Variants in RPS9 observed in about 807,000 individuals in gnomAD.
The protein encoded by RPS9 is small ribosomal subunit protein uS4.
RPS9 carries 1 observed loss-of-function variant against 16.9 expected under a neutral mutation model. The ratio of observed to expected loss-of-function variants is 0.06; its 90% CI spans 0.02 to 0.28. The LOEUF (loss-of-function observed/expected upper bound fraction) is 0.28, where lower values mean the gene tolerates loss of function less well. RPS9 is among the 10% of genes least tolerant of loss of function. The pLI is 1.00. For missense variants in RPS9, 137 were observed against 273.2 expected (o/e 0.50, Z 3.51); for synonymous variants, 106 against 110.9 (o/e 0.96, Z 0.28).
At position 54,201,448 on chromosome 19, in the gene RPS9, A is replaced by G. The variant is rs770410303; in HGVS notation, c.98-39A>G. On this transcript the variant is annotated intron_variant, in intron 2 of 4. Coordinates refer to ENST00000302907, the MANE Select transcript of RPS9 (RefSeq NM_001013.4). ...CTGCCAGTCTAGTTGTTGTGCCAGTACGTGGGACTACACTTGTCCACCCCC... is the reference window on the plus strand; with the variant it reads ...CTGCCAGTCTAGTTGTTGTGCCAGTGCGTGGGACTACACTTGTCCACCCCC... The G allele has an allele frequency of 6.2e-6, 10 of 1,613,274 alleles. No individual in the cohort carries two copies. The Admixed American group carries it at 1.7e-4, about 27-fold the overall frequency.
At chr19:54,202,720 C>G (rs149887907) in intron 3 of RPS9, 2 of 985,266 alleles carry the variant, frequency 2.0e-6, no homozygotes, top group African/African-American at 1.7e-5. Flanking sequence ...TTTGGGTAGT[C>G]ATGATTTATG....
intron 3 of RPS9, 34 bp downstream of exon 3, chr19:54,201,643 T>C: frequency 6.2e-7 from 1 of 1,612,796 alleles, no homozygotes; most frequent in Non-Finnish European, 8.5e-7. Flanking sequence ...AGGGATGGGG[T>C]GCAGGGCTTG....
chr19:54,201,332 GC>G, intron 2 of RPS9, 51 bp downstream of exon 2: 1 of 1,613,426 alleles, frequency 6.2e-7, no homozygotes, highest in Non-Finnish European at 8.5e-7. Flanking sequence ...GAGGCGGTTA[GC>G]ACGTGGATGA....
At chr19:54,201,873 G>A in intron 3 of RPS9, 1 of 587,942 alleles carries the variant, frequency 1.7e-6, no homozygotes, top group Non-Finnish European at 2.8e-6. Context: ...GGCACACCTG[G>A]GCACCCGTCT....
intron 3 of RPS9, chr19:54,203,078 T>A: frequency 1.0e-6 from 1 of 985,244 alleles, no homozygotes; most frequent in Non-Finnish European, 1.2e-6. Context: ...TAGATACTGA[T>A]GCTGGGTGGG....
chr19:54,203,780 A>T (rs3852888), intron 3 of RPS9, among the ~76,000 whole-genome samples: 1 of 102,872 alleles, frequency 9.7e-6, no homozygotes, highest in South Asian at 3.4e-4. Flanking sequence ...CTCCCCCCCC[A>T]CCCCCCAGCA....
At position 54,200,893 on chromosome 19, in the gene RPS9, G is replaced by T. The variant is rs537790095; in HGVS notation, c.-26+5G>T. 5 of 1,257,068 alleles carry T rather than the reference G, an allele frequency of 4.0e-6. No individual in the cohort carries two copies. Among genetic ancestry groups the T allele is most frequent in the East Asian group, 4.5e-5 (1 of 22,444 alleles). The allele number at this position is 1,257,068 out of a possible 1,614,324, so 77.9% of individuals were successfully genotyped here. On this transcript the variant is annotated splice_donor_5th_base_variant and intron_variant, in intron 1 of 4. Transcript: ENST00000302907. The stretch of plus-strand genomic sequence containing the variant: ...GTGACCGGGTGGTTTGCTTAGGTGA[G>T]GTGCGGTGGTGTGCTTTTTCTCTAG...
At chr19:54,203,227 G>A in intron 3 of RPS9, 1 of 975,216 alleles carries the variant, frequency 1.0e-6, no homozygotes, top group South Asian at 4.7e-5. Context: ...GTTATTTGTG[G>A]TTTTCCAAGG....
At chr19:54,205,696 T>A (rs1224206060) in intron 3 of RPS9, among the ~76,000 whole-genome samples, 1 of 152,178 alleles carries the variant, frequency 6.6e-6, no homozygotes, top group Non-Finnish European at 1.5e-5. Flanking sequence ...TCCTTTACTC[T>A]TGCTAAGAAT....
chr19:54,202,965 T>C (rs1568891444), intron 3 of RPS9: 3 of 965,352 alleles, frequency 3.1e-6, no homozygotes, highest in Non-Finnish European at 3.7e-6. Flanking sequence ...TCCAAAGTGC[T>C]GGGGTTACAG....
In RPS9 at chr19:54,201,035, G is replaced by C. The variant is rs2077024179; in HGVS notation, c.-25-125G>C. ...CAGCACGGTTGTGGGGGCAGATACT[G>C]ACTATGAGAGCGTTGGAGGTTATTC... On this transcript the variant is annotated intron_variant, in intron 1 of 4. Coordinates refer to ENST00000302907, the MANE Select transcript of RPS9 (RefSeq NM_001013.4). 10 of 1,479,158 alleles carry C rather than the reference G, an allele frequency of 6.8e-6. No individual in the cohort carries two copies. The South Asian group carries it at 1.4e-4, about 20-fold the overall frequency. 91.6% of individuals were successfully genotyped at this position (1,479,158 alleles called of 1,614,324 possible).
chr19:54,202,659 G>A, intron 3 of RPS9: 1 of 985,382 alleles, frequency 1.0e-6, no homozygotes, highest in Non-Finnish European at 1.2e-6. Context: ...CAGCAGATTG[G>A]CATGACCAAG....
chr19:54,203,406 A>T, intron 3 of RPS9: 2 of 674,438 alleles, frequency 3.0e-6, no homozygotes, highest in Non-Finnish European at 3.7e-6. Context: ...ATGTGTGACT[A>T]GCGAGATTCT....
chr19:54,206,707 A>C (rs1237055208), intron 4 of RPS9: 1 of 1,510,102 alleles, frequency 6.6e-7, no homozygotes, highest in East Asian at 2.5e-5. Flanking sequence ...TCTGCCAGGC[A>C]TGTGGGCAGC....
At chr19:54,202,284 C>A (rs748860339) in intron 3 of RPS9, 2 of 288,302 alleles carry the variant, frequency 6.9e-6, no homozygotes, top group Admixed American at 6.5e-5. Context: ...CTCCAGAGTT[C>A]AAGCGATTCT....
chr19:54,207,496 G>A lies in RPS9; in HGVS notation c.506G>A (p.Arg169His). The A allele has an allele frequency of 2.5e-6, 4 of 1,613,218 alleles. No homozygotes were observed. Among genetic ancestry groups the A allele is most frequent in the African/African-American group, 1.3e-5 (1 of 75,020 alleles). The change falls in exon 5 of 5, where the codon CGC becomes CAC. Residue 169 changes from arginine to histidine, a missense_variant. Arg to His is a conservative substitution (Grantham distance 29, BLOSUM62 0). Transcript: ENST00000302907. ...CTGCGCTCTCCCTACGGGGGTGGCC[G>A]CCCGGGCCGCGTGAAGAGGAAGAAT... ...FSLRSPYGGG[R>H]PGRVKRKNAK... is the part of the protein sequence containing the mutation.
chr19:54,203,859 C>T (rs1490798714), intron 3 of RPS9, among the ~76,000 whole-genome samples: 2 of 139,504 alleles, frequency 1.4e-5, no homozygotes, highest in East Asian at 4.4e-4. Flanking sequence ...TAATACCTAA[C>T]TGCCTTGTAT....
In RPS9 at chr19:54,201,145, T is replaced by G. The variant is rs552077020; in HGVS notation, c.-25-15T>G. 9 of 1,612,418 alleles carry G rather than the reference T, an allele frequency of 5.6e-6. No individual in the cohort carries two copies. The highest frequency in any genetic ancestry group is 6.8e-6 in the Non-Finnish European group (8 of 1,179,850). On this transcript the variant is annotated splice_polypyrimidine_tract_variant and intron_variant, in intron 1 of 4. Transcript: ENST00000302907. ...CCGTTTGGATCCCTTACGCTCACAC[T>G]TCTCTCCCGCGCAGGCGCAGACGGG...
At chr19:54,204,777 G>A (rs757326631) in intron 3 of RPS9, among the ~76,000 whole-genome samples, 12 of 152,136 alleles carry the variant, frequency 7.9e-5, no homozygotes, top group Non-Finnish European at 1.8e-4. Context: ...AGAGGTAAAT[G>A]GTCCCAAACT....
Sources: gnomAD v4.1 joint callset for allele counts (sites outside exome capture counted in the v4.1 genomes callset) on GRCh38, gnomAD v4.1.1 for gene constraint, MANE v1.5 for transcripts, NCBI Gene and HGNC (gene_info 2026-07-23, HGNC 2026-07-21) for gene names.